The following SNRPN variants were observed in gnomAD, a reference collection of about 807,000 sequenced individuals.
SNRPN encodes the protein small nuclear ribonucleoprotein-associated protein N.
Under a neutral mutation model 25.2 loss-of-function variants are expected in SNRPN, and 7 were observed. That is an observed-to-expected ratio of 0.28 (90% confidence interval 0.16 to 0.52). SNRPN has a LOEUF of 0.52. SNRPN is among the 20% of genes least tolerant of loss of function. The pLI is 0.96. For synonymous variants in SNRPN, 124 were observed against 110.6 expected, an observed-to-expected ratio of 1.12 and a Z score of -0.76; for missense variants, 196 against 322.5, an observed-to-expected ratio of 0.61 and a Z score of 3.00.
At chr15:24,897,556 G>A (rs1002909304) in intron 2 of SNRPN, among the ~76,000 whole-genome samples, 1 of 152,192 alleles carries the variant, frequency 6.6e-6, no homozygotes, top group Non-Finnish European at 1.5e-5. Context: ...CTGCACTCCA[G>A]AATGGATGAC....
intron 1 of SNRPN, among the ~76,000 whole-genome samples, chr15:24,873,588 C>T (rs1330701671): frequency 6.6e-6 from 1 of 151,964 alleles, no homozygotes; most frequent in African/African-American, 2.4e-5. Context: ...GCTGGGACCA[C>T]AAGTGCCCAC....
chr15:24,849,076 G>C (rs2052549572), intron 2 of SNRPN: 1 of 152,144 alleles, frequency 6.6e-6, no homozygotes, highest in African/African-American at 2.4e-5. Flanking sequence ...GGGATTACCG[G>C]CACATGCCAC....
chr15:24,936,100 G>A (rs2061222164), intron 3 of SNRPN, among the ~76,000 whole-genome samples: 1 of 150,522 alleles, frequency 6.6e-6, no homozygotes, highest in African/African-American at 2.5e-5. Flanking sequence ...GGGCAACAGA[G>A]CAAGACTCTG....
At chr15:24,884,148 C>CAAAAAAAAAAAAAAAAAAAA (rs61039873) in intron 1 of SNRPN, among the ~76,000 whole-genome samples, 12 of 104,850 alleles carry the variant, frequency 1.1e-4, no homozygotes, top group African/African-American at 4.6e-4. Context: ...CCTGCCTCTA[C>CAAAAAAAAAAAAAAAAAAAA]AAAAAAAAAA....
At chr15:24,975,293 C>T in intron 4 of SNRPN, 65 bp from the exon 5 acceptor site, 3 of 1,299,784 alleles carry the variant, frequency 2.3e-6, no homozygotes, top group East Asian at 2.3e-5. Flanking sequence ...GGAGAAGAAA[C>T]AGGAGAAGAT....
intron 2 of SNRPN, among the ~76,000 whole-genome samples, chr15:24,841,944 T>C (rs2051741293): frequency 6.6e-6 from 1 of 152,130 alleles, no homozygotes; most frequent in East Asian, 1.9e-4. Context: ...TGAACTATGA[T>C]CTGCTGTTTC....
At chr15:24,849,415 G>A (rs1348041078) in intron 2 of SNRPN, 1 of 152,194 alleles carries the variant, frequency 6.6e-6, no homozygotes, top group Non-Finnish European at 1.5e-5. Flanking sequence ...TTTTCCCTAG[G>A]ACACTGGGAG....
rs59976475 is a variant in SNRPN, at chr15:24,844,162, G to C, written c.-579+14257G>C. ...TGTGTGTGTGTGTGTTTGTGTGTGCGCATGAGTAAATATATGTGTATATAT... is the reference window on the plus strand; with the variant it reads ...TGTGTGTGTGTGTGTTTGTGTGTGCCCATGAGTAAATATATGTGTATATAT... On this transcript the variant is annotated intron_variant, in intron 2 of 12. Transcript: ENST00000400100. Among the ~76,000 whole-genome samples, 537 of 151,926 alleles carry C rather than the reference G, an allele frequency of 3.5e-3. 22 individuals are homozygous for C. In the East Asian group the frequency reaches 0.081, roughly 23 times the overall value.
intron 3 of SNRPN, among the ~76,000 whole-genome samples, chr15:24,970,261 G>A (rs1441226896): frequency 2.0e-5 from 3 of 152,036 alleles, no homozygotes; most frequent in Admixed American, 6.6e-5. Context: ...TAAGGCACAC[G>A]ATGGCCAGGA....
chr15:24,892,998 C>G (rs140992112), intron 2 of SNRPN, among the ~76,000 whole-genome samples: 2,988 of 151,950 alleles, frequency 0.02, 59 homozygotes, highest in Middle Eastern at 0.031. Context: ...CACCTAAGGT[C>G]AGGAGTTCAA....
chr15:24,932,879 C>T (rs970245707), intron 3 of SNRPN, among the ~76,000 whole-genome samples: 1 of 152,122 alleles, frequency 6.6e-6, no homozygotes, highest in Non-Finnish European at 1.5e-5. Flanking sequence ...GAACTCCTGA[C>T]CTCAGGTGAC....
upstream of SNRPN, among the ~76,000 whole-genome samples, chr15:24,854,038 C>A (rs1022128733): frequency 2.6e-5 from 4 of 152,124 alleles, no homozygotes; most frequent in African/African-American, 9.7e-5. Flanking sequence ...TATCAATATG[C>A]AAACATGGAT....
chr15:24,966,278 T>G (rs977898171), intron 2 of SNRPN, among the ~76,000 whole-genome samples: 3 of 146,580 alleles, frequency 2.0e-5, no homozygotes, highest in Admixed American at 2.0e-4. Flanking sequence ...AGTGCTATAC[T>G]TACTAGTTTT....
chr15:24,884,789 G>A (rs2057044990), intron 1 of SNRPN, among the ~76,000 whole-genome samples: 2 of 152,202 alleles, frequency 1.3e-5, no homozygotes, highest in African/African-American at 2.4e-5. Context: ...CAAAATGTTT[G>A]TAGGGGAGAC....
intron 1 of SNRPN, among the ~76,000 whole-genome samples, chr15:24,884,772 C>A (rs980363879): frequency 2.5e-4 from 38 of 151,952 alleles, no homozygotes; most frequent in Middle Eastern, 3.2e-3. Flanking sequence ...CATAAATAAG[C>A]CAATTTCAAA....
intron 3 of SNRPN, among the ~76,000 whole-genome samples, chr15:24,945,343 T>A (rs1443139351): frequency 6.5e-4 from 54 of 83,692 alleles, no homozygotes; most frequent in African/African-American, 8.9e-4. Context: ...ACCCACCATG[T>A]AAAAAAAAAA....
At chr15:24,869,661 T>C (rs1350498300) in intron 1 of SNRPN, among the ~76,000 whole-genome samples, 1 of 152,188 alleles carries the variant, frequency 6.6e-6, no homozygotes, top group African/African-American at 2.4e-5. Context: ...CCACATCATA[T>C]CACGGGTGTC....
intron 3 of SNRPN, among the ~76,000 whole-genome samples, chr15:24,969,982 G>T (rs2076194698): frequency 6.6e-6 from 1 of 152,152 alleles, no homozygotes; most frequent in Admixed American, 6.5e-5. Flanking sequence ...CTATTTAAAA[G>T]AAAATAATTG....
At chr15:24,974,631 A>T (rs1404522284) in intron 4 of SNRPN, 175 bp downstream of exon 4, 4 of 693,394 alleles carry the variant, frequency 5.8e-6, no homozygotes, top group Non-Finnish European at 1.0e-5. Context: ...TTTTATTTTT[A>T]TTTTTTTCAG....
Sources: allele counts gnomAD v4.1 joint callset (sites outside exome capture counted in the v4.1 genomes callset), GRCh38; gene constraint gnomAD v4.1.1; transcripts MANE v1.5; gene names NCBI Gene and HGNC (gene_info 2026-07-23, HGNC 2026-07-21).